Variants in ENPP5 observed in about 807,000 individuals in gnomAD.
ENPP5 encodes the protein ectonucleotide pyrophosphatase/phosphodiesterase family member 5.
ENPP5 carries 27 observed loss-of-function variants against 33.7 expected under a neutral mutation model. The ratio of observed to expected loss-of-function variants is 0.80; its 90% CI spans 0.59 to 1.11. The LOEUF is 1.11. Ranked by LOEUF, ENPP5 falls within the 50% of genes least tolerant of loss-of-function variation. The probability of loss-of-function intolerance (pLI) is 0.00; values close to 1 mark genes in which losing one functional copy is unlikely to be tolerated. For missense variants in ENPP5, 552 were observed against 579.2 expected (o/e 0.95, Z 0.48); for synonymous variants, 199 against 200.5 (o/e 0.99, Z 0.06).
intron 2 of ENPP5, 139 bp from the exon 3 acceptor site, chr6:46,168,436 A>G (rs1023314505): frequency 6.4e-6 from 3 of 471,840 alleles, no homozygotes; most frequent in Non-Finnish European, 7.4e-6. Flanking sequence ...AGAACTCCGT[A>G]TTAGATAAGA....
intron 4 of ENPP5, among the ~76,000 whole-genome samples, chr6:46,164,457 T>C (rs1262494283): frequency 1.3e-5 from 2 of 152,216 alleles, no homozygotes; most frequent in East Asian, 3.8e-4. Flanking sequence ...GTGGTCAATC[T>C]TTAATTAATT....
At position 46,161,614 on chromosome 6, in the gene ENPP5, A is replaced by G; in HGVS notation, c.1146T>C (p.Asn382=). Residue 382 remains asparagine (N), a synonymous_variant, in exon 5 of 5, where the codon AAT becomes AAC. Transcript: ENST00000371383. ...DLYPLLCHLL[N]ITAMPHNGSF... ...ATCCATTGTGTGGCATGGCGGTGAT[A>G]TTGAGGAGGTGGCATAGTAGTGGGT... 1 of 1,614,032 alleles carries G rather than the reference A, an allele frequency of 6.2e-7. No individual in the cohort carries two copies. The highest frequency in any genetic ancestry group is 1.3e-5 in the African/African-American group (1 of 75,034).
intron 2 of ENPP5, among the ~76,000 whole-genome samples, chr6:46,169,247 C>T (rs984947545): frequency 6.6e-6 from 1 of 152,206 alleles, no homozygotes; most frequent in South Asian, 2.1e-4. Context: ...CAGGCGTGCA[C>T]ATCCAGCAGG....
At chr6:46,163,158 C>A (rs1049281189) in intron 4 of ENPP5, among the ~76,000 whole-genome samples, 1 of 151,908 alleles carries the variant, frequency 6.6e-6, no homozygotes, top group African/African-American at 2.4e-5. Context: ...GTGTGTTTCA[C>A]CAGGGCCTCA....
rs750490393 is a variant in ENPP5 at position 46,161,404 on chromosome 6, A to C, written c.1356T>G (p.Ile452Met). The stretch of plus-strand genomic sequence containing the variant: ...GTATTTGACTGTGAATTAAATGCTT[A>C]ATGAAAATTACAAAAAATACAATCA... ...IIVIVFFVIF[I>M]KHLIHSQIPA... The change falls in exon 5 of 5, where the codon ATT (isoleucine) becomes ATG (methionine). Residue 452 changes from isoleucine (I) to methionine (M), a missense_variant. Ile to Met is a conservative substitution (Grantham distance 10, BLOSUM62 1). Transcript: ENST00000371383. The C allele has an allele frequency of 8.7e-6, 14 of 1,613,612 alleles. No individual in the cohort carries two copies. Among genetic ancestry groups the C allele is most frequent in the Non-Finnish European group, 1.1e-5 (13 of 1,179,710 alleles).
intron 2 of ENPP5, among the ~76,000 whole-genome samples, chr6:46,169,394 C>CTTT (rs58296228): frequency 2.2e-5 from 3 of 138,750 alleles, no homozygotes; most frequent in African/African-American, 5.2e-5. Flanking sequence ...CTGAAGACTT[C>CTTT]TTTTTTTTTT....
At chr6:46,167,371 A>T (rs931106039) in intron 3 of ENPP5, 63 bp downstream of exon 3, 1 of 1,078,908 alleles carries the variant, frequency 9.3e-7, no homozygotes, top group Non-Finnish European at 1.4e-6. Flanking sequence ...ATCCCTGTTC[A>T]TTTGATCACA....
intron 4 of ENPP5, among the ~76,000 whole-genome samples, chr6:46,162,794 T>C (rs957548842): frequency 6.6e-6 from 1 of 152,184 alleles, no homozygotes; most frequent in Non-Finnish European, 1.5e-5. Context: ...TAAGTAAAAA[T>C]AGCACTGAAA....
intron 4 of ENPP5, among the ~76,000 whole-genome samples, chr6:46,162,644 A>G (rs73735713): frequency 0.021 from 3,123 of 152,202 alleles, 104 homozygotes; most frequent in African/African-American, 0.069. Context: ...TCCCTGCCCC[A>G]TCCACCTCGA....
Position 46,160,278 on chromosome 6 carries a change from G to A in ENPP5, c.*1048C>T, listed in dbSNP as rs1013224466. Reference sequence around the variant, plus strand: ...CTCCACACAGTTCTTTTCAAGGATCGAGTGGCCAATATTTTACCTAATATG... The same window carrying A: ...CTCCACACAGTTCTTTTCAAGGATCAAGTGGCCAATATTTTACCTAATATG... On this transcript the variant is annotated 3_prime_UTR_variant, in exon 5 of 5. Transcript: ENST00000371383. The A allele has an allele frequency of 5.3e-5, 8 of 151,978 alleles. No homozygotes were observed. Among genetic ancestry groups the A allele is most frequent in the African/African-American group, 1.7e-4 (7 of 41,366 alleles). 9.4% of individuals were successfully genotyped at this position (151,978 alleles called of 1,614,324 possible).
intron 4 of ENPP5, among the ~76,000 whole-genome samples, chr6:46,163,664 T>C (rs1764456052): frequency 1.3e-5 from 2 of 152,138 alleles, no homozygotes; most frequent in African/African-American, 4.8e-5. Flanking sequence ...TGTAAAAGTG[T>C]TCCTATTTCT....
chr6:46,166,447 ATTTT>A (rs60483260), intron 3 of ENPP5, among the ~76,000 whole-genome samples: 1 of 120,142 alleles, frequency 8.3e-6, no homozygotes. Context: ...ACACCAGGCT[ATTTT>A]TTTTTTTTTT....
At chr6:46,169,445 T>C (rs1329539391) in intron 2 of ENPP5, among the ~76,000 whole-genome samples, 1 of 151,642 alleles carries the variant, frequency 6.6e-6, no homozygotes, top group East Asian at 1.9e-4. Flanking sequence ...CAAGCTGGTG[T>C]GCGGTGGCAC....
At chr6:46,162,360 G>A (rs749946153) in intron 4 of ENPP5, among the ~76,000 whole-genome samples, 15 of 152,180 alleles carry the variant, frequency 9.9e-5, no homozygotes, top group Non-Finnish European at 2.1e-4. Context: ...TTAGCATTAT[G>A]TGCTTTTAGT....
chr6:46,169,052 A>G (rs1471911414), intron 2 of ENPP5, among the ~76,000 whole-genome samples: 1 of 152,244 alleles, frequency 6.6e-6, no homozygotes, highest in African/African-American at 2.4e-5. Context: ...AAATTTGTCA[A>G]AATTTAATCT....
At position 46,170,830 on chromosome 6, in the gene ENPP5, C is replaced by G. The variant is rs886343318; in HGVS notation, c.-120G>C. 2.0e-5 allele frequency: 3 copies of G among 152,194 alleles called. No individual in the cohort carries two copies. The highest frequency in any genetic ancestry group is 4.4e-5 in the Non-Finnish European group (3 of 68,070). The allele number at this position is 152,194 out of a possible 1,614,324, so 9.4% of individuals were successfully genotyped here. On this transcript the variant is annotated 5_prime_UTR_variant, in exon 1 of 5. Coordinates refer to ENST00000371383, the MANE Select transcript of ENPP5 (RefSeq NM_001290072.2). The stretch of plus-strand genomic sequence containing the variant: ...CACCCTCGCAGCGATCCGTTCAGTC[C>G]GTATTAGTTTGGAGCAACGGGAGGG...
In ENPP5 at chr6:46,161,770, T is replaced by C. The variant is rs558870291; in HGVS notation, c.1007-17A>G. ...GGTTGCCTACTGTAAAGAGAAAATA[T>C]GTGAAAAAGTTAGCCAACTATGCAT... On this transcript the variant is annotated splice_polypyrimidine_tract_variant and intron_variant, in intron 4 of 4. Coordinates refer to ENST00000371383, the MANE Select transcript of ENPP5 (RefSeq NM_001290072.2). 1.3e-5 allele frequency: 20 copies of C among 1,586,578 alleles called. No individual in the cohort carries two copies. In the East Asian group the frequency reaches 2.7e-4, roughly 21 times the overall value.
In ENPP5 at chr6:46,163,240, A is replaced by G. The variant is rs554291596; in HGVS notation, c.1007-1487T>C. Among the ~76,000 whole-genome samples, 12 of 151,234 alleles carry G rather than the reference A, an allele frequency of 7.9e-5. No individual in the cohort carries two copies. In the South Asian group the frequency reaches 1.5e-3, roughly 18 times the overall value. The stretch of plus-strand genomic sequence containing the variant: ...TCTTTTTTTTTTTTATTATACTTTA[A>G]GTTTTAGGGTACATGTGCACATTAT... On this transcript the variant is annotated intron_variant, in intron 4 of 4. Transcript: ENST00000371383.
Position 46,161,085 on chromosome 6 carries a change from T to C in ENPP5, c.*241A>G, listed in dbSNP as rs2127496062. Reference sequence around the variant, plus strand: ...CAAGTCCAAATAAAGCAGGATCTTATCTATCCCTATGCTACAGTGAACAAT... The same window carrying C: ...CAAGTCCAAATAAAGCAGGATCTTACCTATCCCTATGCTACAGTGAACAAT... On this transcript the variant is annotated 3_prime_UTR_variant, in exon 5 of 5. Coordinates refer to ENST00000371383, the MANE Select transcript of ENPP5 (RefSeq NM_001290072.2). 2.1e-6 allele frequency: 1 copy of C among 479,728 alleles called. No individual in the cohort carries two copies. Among genetic ancestry groups the C allele is most frequent in the Non-Finnish European group, 3.8e-6 (1 of 265,786 alleles). The allele number at this position is 479,728 out of a possible 1,614,324, so 29.7% of individuals were successfully genotyped here. A position where few individuals can be genotyped will look rare whatever the true frequency, so the allele number is the denominator to read the frequency against.
Sources: gnomAD v4.1 joint callset for allele counts (sites outside exome capture counted in the v4.1 genomes callset) on GRCh38, gnomAD v4.1.1 for gene constraint, MANE v1.5 for transcripts, NCBI Gene and HGNC (gene_info 2026-07-23, HGNC 2026-07-21) for gene names.